PITPNM3: variants seen among roughly 807,000 people sequenced by gnomAD.
PITPNM3 encodes PITPNM family member 3, also known as membrane-associated phosphatidylinositol transfer protein 3.
In PITPNM3, 26 loss-of-function variants were observed where a neutral mutation model predicts 102.0. The ratio of observed to expected loss-of-function variants is 0.25; its 90% CI spans 0.19 to 0.35. The LOEUF (loss-of-function observed/expected upper bound fraction) is 0.35. Among genes scored for constraint, PITPNM3 ranks in the 10% least tolerant of loss-of-function variants. The probability of loss-of-function intolerance (pLI) is 1.00; values close to 1 mark genes in which losing one functional copy is unlikely to be tolerated. For missense variants in PITPNM3, 1,083 were observed against 1,346.1 expected, an observed-to-expected ratio of 0.80 and a Z score of 3.06; for synonymous variants, 578 against 558.6, an observed-to-expected ratio of 1.03 and a Z score of -0.49.
intron 3 of PITPNM3, among the ~76,000 whole-genome samples, chr17:6,509,384 C>T (rs1012689295): frequency 7.2e-5 from 11 of 152,098 alleles, no homozygotes; most frequent in African/African-American, 2.4e-4. Flanking sequence ...TTGGTGGCTG[C>T]GGAGAGAGTG....
intron 1 of PITPNM3, among the ~76,000 whole-genome samples, chr17:6,549,838 C>A (rs1003865229): frequency 6.6e-6 from 1 of 152,218 alleles, no homozygotes; most frequent in African/African-American, 2.4e-5. Flanking sequence ...CTGGCCACCC[C>A]CTTCCGGGCT....
At chr17:6,514,550 G>A (rs1483546567) in intron 3 of PITPNM3, among the ~76,000 whole-genome samples, 2 of 152,216 alleles carry the variant, frequency 1.3e-5, no homozygotes, top group African/African-American at 4.8e-5. Flanking sequence ...AAACCGCAAT[G>A]AGACATCACT....
At chr17:6,488,713 C>T (rs1264566221) in intron 4 of PITPNM3, among the ~76,000 whole-genome samples, 1 of 152,180 alleles carries the variant, frequency 6.6e-6, no homozygotes, top group Non-Finnish European at 1.5e-5. Context: ...CATAATTCCA[C>T]CCCTAGAGGC....
At chr17:6,514,072 T>A (rs1043247845) in intron 3 of PITPNM3, among the ~76,000 whole-genome samples, 1 of 152,094 alleles carries the variant, frequency 6.6e-6, no homozygotes, top group Non-Finnish European at 1.5e-5. Flanking sequence ...TTAATCACAC[T>A]CAAAAGAACT....
intron 2 of PITPNM3, among the ~76,000 whole-genome samples, chr17:6,525,756 C>T (rs964125196): frequency 6.6e-6 from 1 of 152,238 alleles, no homozygotes; most frequent in Non-Finnish European, 1.5e-5. Flanking sequence ...GGCAGTATCT[C>T]TTGAAAGTCA....
At chr17:6,463,356 G>C (rs1904569238) in intron 17 of PITPNM3, among the ~76,000 whole-genome samples, 1 of 149,932 alleles carries the variant, frequency 6.7e-6, no homozygotes, top group Admixed American at 6.6e-5. Flanking sequence ...CTGCATCAGT[G>C]CCCAGCACAC....
intron 6 of PITPNM3, among the ~76,000 whole-genome samples, chr17:6,482,488 G>T (rs1413546457): frequency 6.6e-6 from 1 of 152,114 alleles, no homozygotes; most frequent in Non-Finnish European, 1.5e-5. Flanking sequence ...ACCAGTAAAT[G>T]TGATTCAGCA....
At chr17:6,513,606 T>C (rs982035641) in intron 3 of PITPNM3, among the ~76,000 whole-genome samples, 7 of 152,186 alleles carry the variant, frequency 4.6e-5, no homozygotes, top group African/African-American at 1.7e-4. Context: ...GGTGCAAGAC[T>C]TGTACACTGA....
intron 3 of PITPNM3, among the ~76,000 whole-genome samples, chr17:6,505,001 CCT>C (rs1907403265): frequency 6.6e-6 from 1 of 151,878 alleles, no homozygotes; most frequent in Admixed American, 6.6e-5. Flanking sequence ...ATGGTGGAAC[CCT>C]GTCTCTACTA....
Position 6,478,541 on chromosome 17 carries a change from T to A in PITPNM3, c.777+6A>T. 2 of 1,613,292 alleles carry A rather than the reference T, an allele frequency of 1.2e-6. No homozygotes were observed. Among genetic ancestry groups the A allele is most frequent in the African/African-American group, 2.7e-5 (2 of 74,920 alleles). On this transcript the variant is annotated splice_donor_region_variant and intron_variant, in intron 7 of 19. Transcript: ENST00000262483. The surrounding 1 kb of genome is among the most constrained non-coding windows in gnomAD (Gnocchi z 4.4). ...GGGGAGAGGAGGAGAGGGCAGGCTG[T>A]CCTACCTGCCCACTGAAGCCAATCC...
chr17:6,554,570 G>A (rs1008340648), intron 1 of PITPNM3, among the ~76,000 whole-genome samples: 1 of 152,204 alleles, frequency 6.6e-6, no homozygotes, highest in African/African-American at 2.4e-5. Flanking sequence ...GCTCAGAGCA[G>A]GGCAGTTTTT....
chr17:6,525,905 T>C (rs1201845301), intron 2 of PITPNM3, among the ~76,000 whole-genome samples: 1 of 152,184 alleles, frequency 6.6e-6, no homozygotes, highest in Non-Finnish European at 1.5e-5. Flanking sequence ...AATGAGATAA[T>C]GGATGTAAAG....
Position 6,451,884 on chromosome 17 carries a change from C to CCCT in PITPNM3, c.*3453_*3454insAGG, listed in dbSNP as rs1555549915. 3.8e-5 allele frequency: 3 copies of CCCT among 78,574 alleles called. No individual in the cohort carries two copies. The East Asian group carries it at 8.0e-4, about 21-fold the overall frequency. The allele number at this position is 78,574 out of a possible 1,614,324, so 4.9% of individuals were successfully genotyped here. ...CACTTGGCACCCAAACCCCCCCCCC[C>CCCT]CGCCCGCCGATGGGATTCGGTGGGA... On this transcript the variant is annotated 3_prime_UTR_variant, in exon 20 of 20. Coordinates refer to ENST00000262483, the MANE Select transcript of PITPNM3 (RefSeq NM_031220.4).
In PITPNM3 at chr17:6,474,529, C is replaced by T; in HGVS notation, c.1161G>A (p.Leu387=). The change falls in exon 10 of 20, where the codon CTG becomes CTA. Residue 387 remains leucine, a synonymous_variant. Coordinates refer to ENST00000262483, the MANE Select transcript of PITPNM3 (RefSeq NM_031220.4). ...CGGACACATCGAAGTCAAAGCGGCC[C>T]AGGCTGACCTCAGGGAGCTGCGGCC... ...AGGPQLPEVS[L]GRFDFDVSDF... The T allele has an allele frequency of 6.2e-7, 1 of 1,611,602 alleles. No homozygotes were observed. Among genetic ancestry groups the T allele is most frequent in the Non-Finnish European group, 8.5e-7 (1 of 1,179,208 alleles).
Position 6,472,890 on chromosome 17 carries a change from G to A in PITPNM3, c.1259-63C>T. ...AGTACCTGCTCCCTGGGCCCTAGGAGGCTCCCTGGAATGCAGCCTGGAGTA... is the reference window on the plus strand; with the variant it reads ...AGTACCTGCTCCCTGGGCCCTAGGAAGCTCCCTGGAATGCAGCCTGGAGTA... On this transcript the variant is annotated intron_variant, in intron 10 of 19. Coordinates refer to ENST00000262483, the MANE Select transcript of PITPNM3 (RefSeq NM_031220.4). The surrounding 1 kb of genome is among the most constrained non-coding windows in gnomAD (Gnocchi z 4.1). The A allele has an allele frequency of 3.8e-6, 6 of 1,585,266 alleles. No homozygotes were observed. Among genetic ancestry groups the A allele is most frequent in the Non-Finnish European group, 5.2e-6 (6 of 1,161,288 alleles).
intron 3 of PITPNM3, among the ~76,000 whole-genome samples, chr17:6,519,647 T>G (rs1908398973): frequency 1.3e-5 from 2 of 151,764 alleles, no homozygotes; most frequent in Non-Finnish European, 2.9e-5. Context: ...CTGGCCAACA[T>G]GGTGAAACCC....
chr17:6,525,268 C>T (rs1002010910), intron 3 of PITPNM3, 88 bp downstream of exon 3: 1 of 1,222,654 alleles, frequency 8.2e-7, no homozygotes. Flanking sequence ...ACAGAAGGCC[C>T]AAGCCCCAGC....
intron 1 of PITPNM3, among the ~76,000 whole-genome samples, chr17:6,549,295 A>G (rs142868195): frequency 1.3e-5 from 2 of 152,124 alleles, no homozygotes; most frequent in Non-Finnish European, 2.9e-5. Context: ...GAACCCCAAC[A>G]TGCCACACTC....
At chr17:6,493,800 T>G (rs1210033314) in intron 4 of PITPNM3, among the ~76,000 whole-genome samples, 2 of 152,242 alleles carry the variant, frequency 1.3e-5, no homozygotes, top group East Asian at 3.9e-4. Context: ...CGAGGGCCTA[T>G]GCCCTAAACC....
Sources: gnomAD v4.1 joint callset for allele counts (sites outside exome capture counted in the v4.1 genomes callset) on GRCh38, gnomAD v4.1.1 for gene constraint, Gnocchi (gnomAD v3.1) non-coding constraint, MANE v1.5 for transcripts, NCBI Gene and HGNC (gene_info 2026-07-23, HGNC 2026-07-21) for gene names.